The following PRKAB2 variants were observed in gnomAD, a reference collection of about 807,000 sequenced individuals.
PRKAB2 encodes the protein 5'-AMP-activated protein kinase subunit beta-2.
In PRKAB2, 18 loss-of-function variants were observed where a neutral mutation model predicts 29.8. The ratio of observed to expected loss-of-function variants is 0.60; its 90% CI spans 0.42 to 0.89. The LOEUF is 0.89. PRKAB2 is among the 40% of genes least tolerant of loss of function. The pLI is 0.00. For missense variants in PRKAB2, 270 were observed against 344.3 expected (o/e 0.78, Z 1.71); for synonymous variants, 136 against 125.9 (o/e 1.08, Z -0.54).
chr1:147,167,460 A>G lies in PRKAB2; in HGVS notation c.323+307T>C, dbSNP rs932064780. Among the ~76,000 whole-genome samples the G allele has an allele frequency of 2.0e-5, 3 of 152,242 alleles. No homozygotes were observed. In the East Asian group the frequency reaches 5.8e-4, roughly 29 times the overall value. ...CTTTAGTGCAGAAGTCAGAGCAACA[A>G]GACTCAGACAGTTACAAAAGACTTC... On this transcript the variant is annotated intron_variant, in intron 3 of 7. Coordinates refer to ENST00000254101, the MANE Select transcript of PRKAB2 (RefSeq NM_005399.5).
In PRKAB2 at chr1:147,155,106, T is replaced by C. The variant is rs1653609519; in HGVS notation, c.*4459A>G. ...CAGTCATCAATCAATAACTCAGATA[T>C]TATTGCTGTATAATACTTTTATTAA... is the stretch of plus-strand genomic sequence containing the variant. On this transcript the variant is annotated 3_prime_UTR_variant, in exon 8 of 8. Coordinates refer to ENST00000254101, the MANE Select transcript of PRKAB2 (RefSeq NM_005399.5). 1 of 152,186 alleles carries C rather than the reference T, an allele frequency of 6.6e-6. No individual in the cohort carries two copies. The highest frequency in any genetic ancestry group is 1.5e-5 in the Non-Finnish European group (1 of 68,026). 9.4% of individuals were successfully genotyped at this position (152,186 alleles called of 1,614,324 possible). A position where few individuals can be genotyped will look rare whatever the true frequency, so the allele number is the denominator to read the frequency against.
At chr1:147,167,710 G>A in intron 3 of PRKAB2, 57 bp downstream of exon 3, 1 of 1,556,750 alleles carries the variant, frequency 6.4e-7, no homozygotes, top group Non-Finnish European at 8.7e-7. Context: ...TCTCTTCTGA[G>A]AAAAGAAATC....
At chr1:147,164,928 T>A (rs1165294475) in intron 5 of PRKAB2, among the ~76,000 whole-genome samples, 1 of 152,238 alleles carries the variant, frequency 6.6e-6, no homozygotes, top group African/African-American at 2.4e-5. Context: ...TTCAGCATTT[T>A]AAAACCCTTT....
At position 147,158,197 on chromosome 1, in the gene PRKAB2, T is replaced by A. The variant is rs1161077151; in HGVS notation, c.*1368A>T. ...GATTGAATACTTTTCAGTCCACAAA[T>A]GGAATTCAGTGACCCCACTTAATCA... On this transcript the variant is annotated 3_prime_UTR_variant, in exon 8 of 8. Coordinates refer to ENST00000254101, the MANE Select transcript of PRKAB2 (RefSeq NM_005399.5). The A allele has an allele frequency of 6.6e-6, 1 of 152,150 alleles. No individual in the cohort carries two copies. Among genetic ancestry groups the A allele is most frequent in the African/African-American group, 2.4e-5 (1 of 41,426 alleles). The allele number at this position is 152,150 out of a possible 1,614,324, so 9.4% of individuals were successfully genotyped here.
At chr1:147,166,815 C>T in intron 4 of PRKAB2, 31 bp downstream of exon 4, 1 of 1,598,682 alleles carries the variant, frequency 6.3e-7, no homozygotes, top group Non-Finnish European at 8.6e-7. Context: ...ACTGCTAAGT[C>T]AATGGTTACC....
At chr1:147,159,762 G>C (rs1171929740) in intron 7 of PRKAB2, 120 bp from the exon 8 acceptor site, 1 of 869,860 alleles carries the variant, frequency 1.1e-6, no homozygotes, top group Non-Finnish European at 1.8e-6. Flanking sequence ...ATAAGAGCAG[G>C]AGGTCAAATA....
At chr1:147,172,253 A>C in intron 1 of PRKAB2, 86 bp from the exon 2 acceptor site, 11 of 1,374,248 alleles carry the variant, frequency 8.0e-6, no homozygotes, top group South Asian at 1.5e-5. Context: ...GCCTCGGGAC[A>C]GGGCAAGGGA....
rs1553914553 is a variant in PRKAB2, at chr1:147,172,146, G to A, written c.-2C>T. The A allele has an allele frequency of 2.6e-6, 4 of 1,545,802 alleles. No homozygotes were observed. The highest frequency in any genetic ancestry group is 2.4e-5 in the South Asian group (2 of 83,812). On this transcript the variant is annotated 5_prime_UTR_variant, in exon 2 of 8. Coordinates refer to ENST00000254101, the MANE Select transcript of PRKAB2 (RefSeq NM_005399.5). ...CCGGTCGCTGGTGGTGTTTCCCATGGCTGCAGCTCGTCGGGGACCACCTAC... is the reference window on the plus strand; with the variant it reads ...CCGGTCGCTGGTGGTGTTTCCCATGACTGCAGCTCGTCGGGGACCACCTAC...
rs782529654 is a variant in PRKAB2 at position 147,162,596 on chromosome 1, T to C, written c.539-23A>G. ...GGTCTGAAAGATATTTATACAAATA[T>C]GAGAAAGAGTTGGAGAATTAGCAAG... On this transcript the variant is annotated intron_variant, in intron 5 of 7. Coordinates refer to ENST00000254101, the MANE Select transcript of PRKAB2 (RefSeq NM_005399.5). 15 of 1,586,130 alleles carry C rather than the reference T, an allele frequency of 9.5e-6. No individual in the cohort carries two copies. The Middle Eastern group carries it at 5.1e-4, about 54-fold the overall frequency.
chr1:147,172,086 C>T lies in PRKAB2; in HGVS notation c.59G>A (p.Arg20His). ...SGERHGAKAA[R>H]SEGAGGHAPG... ...GGCATGGCCGCCTGCGCCCTCGGAG[C>T]GTGCAGCCTTGGCGCCGTGGCGCTC... The change falls in exon 2 of 8, where the codon CGC becomes CAC. Residue 20 changes from arginine (R) to histidine (H), a missense_variant. Transcript: ENST00000254101. The T allele has an allele frequency of 6.4e-7, 1 of 1,567,138 alleles. No homozygotes were observed. The highest frequency in any genetic ancestry group is 8.6e-7 in the Non-Finnish European group (1 of 1,156,838).
rs1653621217 is a variant in PRKAB2 at position 147,155,316 on chromosome 1, AT to A, written c.*4248del. ...AGCATTAAAGGTTACAAAAAGCACCATTAAAAAGAGGACTCACATATTTAAT... is the reference window on the plus strand; with the variant it reads ...AGCATTAAAGGTTACAAAAAGCACCATAAAAAGAGGACTCACATATTTAAT... On this transcript the variant is annotated 3_prime_UTR_variant, in exon 8 of 8. Coordinates refer to ENST00000254101, the MANE Select transcript of PRKAB2 (RefSeq NM_005399.5). 6.6e-6 allele frequency: 1 copy of A among 152,594 alleles called. No individual in the cohort carries two copies. The highest frequency in any genetic ancestry group is 2.1e-4 in the South Asian group (1 of 4,832). The allele number at this position is 152,594 out of a possible 1,614,324, so 9.5% of individuals were successfully genotyped here.
rs1469847555 is a variant in PRKAB2 at position 147,155,152 on chromosome 1, C to A, written c.*4413G>T. On this transcript the variant is annotated 3_prime_UTR_variant, in exon 8 of 8. Coordinates refer to ENST00000254101, the MANE Select transcript of PRKAB2 (RefSeq NM_005399.5). The stretch of plus-strand genomic sequence containing the variant: ...ATTAAAGTTTTATGGAAAAAACCCA[C>A]AACATTTCTGTATGTATCATATCAT... 1 of 152,378 alleles carries A rather than the reference C, an allele frequency of 6.6e-6. No individual in the cohort carries two copies. The highest frequency in any genetic ancestry group is 1.5e-5 in the Non-Finnish European group (1 of 68,010). The allele number at this position is 152,378 out of a possible 1,614,324, so 9.4% of individuals were successfully genotyped here.
chr1:147,166,386 C>A, intron 5 of PRKAB2, 112 bp downstream of exon 5: 1 of 1,203,090 alleles, frequency 8.3e-7, no homozygotes, highest in Non-Finnish European at 1.1e-6. Context: ...TCTCTCCTCC[C>A]CCCAACCCCC....
At chr1:147,164,959 C>A (rs1654163200) in intron 5 of PRKAB2, among the ~76,000 whole-genome samples, 1 of 152,178 alleles carries the variant, frequency 6.6e-6, no homozygotes, top group Admixed American at 6.5e-5. Flanking sequence ...TCCCACCAGT[C>A]AAAAATAATG....
At chr1:147,159,880 A>C (rs1434211922) in intron 7 of PRKAB2, among the ~76,000 whole-genome samples, 2 of 152,092 alleles carry the variant, frequency 1.3e-5, no homozygotes, top group Admixed American at 1.3e-4. Flanking sequence ...GATAACACCT[A>C]CCATTAAGGT....
At chr1:147,171,772 A>G (rs1232411749) in intron 2 of PRKAB2, among the ~76,000 whole-genome samples, 1 of 152,218 alleles carries the variant, frequency 6.6e-6, no homozygotes, top group Non-Finnish European at 1.5e-5. Flanking sequence ...CAGATTAGTC[A>G]GAACACCAGG....
At chr1:147,169,973 A>G (rs1338768337) in intron 2 of PRKAB2, among the ~76,000 whole-genome samples, 1 of 152,174 alleles carries the variant, frequency 6.6e-6, no homozygotes, top group Non-Finnish European at 1.5e-5. Flanking sequence ...TGAAAGCTAC[A>G]AACTATTAAT....
rs782337644 is a variant in PRKAB2 at position 147,167,863 on chromosome 1, G to A, written c.227C>T (p.Ala76Val). 11 of 1,614,022 alleles carry A rather than the reference G, an allele frequency of 6.8e-6. No individual in the cohort carries two copies. The Admixed American group carries it at 1.7e-4, about 24-fold the overall frequency. Residue 76 changes from alanine to valine, a missense_variant, in exon 3 of 8, where the codon GCC becomes GTC. Physicochemically the swap from Ala to Val is moderately conservative, Grantham distance 64. Transcript: ENST00000254101. ...LEDSVKPTQQ[A>V]RPTVIRWSEG... ...AGACCAGCGGATAACAGTGGGCCGG[G>A]CCTGCTGTGTGGGCTTTACGGAGTC...
chr1:147,168,493 A>C (rs1654360151), intron 2 of PRKAB2, among the ~76,000 whole-genome samples: 1 of 152,256 alleles, frequency 6.6e-6, no homozygotes, highest in African/African-American at 2.4e-5. Context: ...AAACTAGATC[A>C]CTGATTTCTT....
Sources: allele counts gnomAD v4.1 joint callset (sites outside exome capture counted in the v4.1 genomes callset), GRCh38; gene constraint gnomAD v4.1.1; transcripts MANE v1.5; gene names NCBI Gene and HGNC (gene_info 2026-07-23, HGNC 2026-07-21).